Variants in PNPLA8 observed in about 807,000 individuals in gnomAD.
PNPLA8 encodes calcium-independent phospholipase A2-gamma.
In PNPLA8, 39 loss-of-function variants were observed where a neutral mutation model predicts 76.9. That is an observed-to-expected ratio of 0.51 (90% CI 0.39 to 0.66). PNPLA8 has a LOEUF of 0.66. PNPLA8 is among the 30% of genes least tolerant of loss of function. The pLI is 0.00. For missense variants in PNPLA8, 887 were observed against 918.0 expected (o/e 0.97, Z 0.44); for synonymous variants, 301 against 307.9 (o/e 0.98, Z 0.24).
chr7:108,484,004 A>G (rs1324723815), intron 9 of PNPLA8, among the ~76,000 whole-genome samples: 1 of 152,200 alleles, frequency 6.6e-6, no homozygotes, highest in Non-Finnish European at 1.5e-5. Flanking sequence ...TCAAGTAGGT[A>G]TTTTAGATGA....
At chr7:108,477,524 G>A (rs535486301) in intron 10 of PNPLA8, among the ~76,000 whole-genome samples, 10 of 152,162 alleles carry the variant, frequency 6.6e-5, no homozygotes, top group Non-Finnish European at 1.0e-4. Flanking sequence ...TTAGTAAAAC[G>A]TTTCACCCAA....
At chr7:108,514,016 C>T (rs2154516654) in intron 4 of PNPLA8, 128 bp downstream of exon 4, 2 of 651,526 alleles carry the variant, frequency 3.1e-6, no homozygotes, top group Non-Finnish European at 5.4e-6. Context: ...TTACTGAATA[C>T]ACATCACATG....
At chr7:108,512,017 G>C (rs1389010497) in intron 4 of PNPLA8, among the ~76,000 whole-genome samples, 2 of 152,110 alleles carry the variant, frequency 1.3e-5, no homozygotes. Context: ...AGAAACCCGT[G>C]GCAACTTCTG....
intron 8 of PNPLA8, among the ~76,000 whole-genome samples, chr7:108,488,885 A>T (rs936188130): frequency 1.3e-5 from 2 of 152,350 alleles, no homozygotes; most frequent in Admixed American, 6.5e-5. Flanking sequence ...GATGAGGCCA[A>T]AGTTAGTGTC....
In PNPLA8 at chr7:108,515,229, G is replaced by A. The variant is rs1863243587; in HGVS notation, c.263C>T (p.Thr88Ile). ...GLHIGILKLS[T>I]SAPKGLTKVN... Reference sequence around the variant, plus strand: ...TTTTGTAAGTCCCTTGGGAGCAGAAGTGCTAAGTTTCAAAATCCCAATATG... The same window carrying A: ...TTTTGTAAGTCCCTTGGGAGCAGAAATGCTAAGTTTCAAAATCCCAATATG... Residue 88 changes from threonine to isoleucine, a missense_variant, in exon 3 of 11, where the codon ACT (threonine) becomes ATT (isoleucine). Physicochemically the swap from Thr to Ile is moderately conservative, Grantham distance 89. Transcript: ENST00000257694. 2 of 1,602,996 alleles carry A rather than the reference G, an allele frequency of 1.2e-6. No homozygotes were observed. Among genetic ancestry groups the A allele is most frequent in the East Asian group, 2.2e-5 (1 of 44,656 alleles).
intron 4 of PNPLA8, among the ~76,000 whole-genome samples, chr7:108,505,909 G>T (rs764066172): frequency 3.3e-5 from 5 of 152,096 alleles, no homozygotes; most frequent in Non-Finnish European, 7.4e-5. Flanking sequence ...TGAAGAAAAA[G>T]TTGGTGAACC....
chr7:108,515,010 C>G lies in PNPLA8; in HGVS notation c.482G>C (p.Ser161Thr). 3 of 1,607,680 alleles carry G rather than the reference C, an allele frequency of 1.9e-6. No individual in the cohort carries two copies. Among genetic ancestry groups the G allele is most frequent in the East Asian group, 2.2e-5 (1 of 44,842 alleles). ...AGGACTCTTTTCTGCTGATTTGTCA[C>G]TATATTTTTTCAGAGATTTGATGGC... ...KQAIKSLKKY[S>T]DKSAEKSPFP... The change falls in exon 3 of 11, where the codon AGT becomes ACT. Residue 161 changes from serine (S) to threonine (T), a missense_variant. By Grantham distance (58) the Ser-to-Thr change is moderately conservative (BLOSUM62 1). Coordinates refer to ENST00000257694, the MANE Select transcript of PNPLA8 (RefSeq NM_001256007.3).
In PNPLA8 at chr7:108,515,066, A is replaced by C. The variant is rs1863227474; in HGVS notation, c.426T>G (p.Ser142Arg). The C allele has an allele frequency of 1.9e-6, 3 of 1,603,346 alleles. No homozygotes were observed. Among genetic ancestry groups the C allele is most frequent in the Non-Finnish European group, 2.5e-6 (3 of 1,178,304 alleles). Residue 142 changes from serine (S) to arginine (R), a missense_variant, in exon 3 of 11, where the codon AGT (serine) becomes AGG (arginine). Transcript: ENST00000257694. The stretch of plus-strand genomic sequence containing the variant: ...TGATGTTTTTCTGTTTTAACCAGCC[A>C]CTATCCGATACTTTTCTTAAAATTT... The part of the protein sequence containing the change: ...SSQILRKVSD[S>R]GWLKQKNIKQ...
chr7:108,471,657 A>C lies in PNPLA8; in HGVS notation c.*744T>G, dbSNP rs1859638725. The C allele has an allele frequency of 2.0e-5, 3 of 152,352 alleles. No individual in the cohort carries two copies. In the South Asian group the frequency reaches 6.2e-4, roughly 32 times the overall value. The allele number at this position is 152,352 out of a possible 1,614,324, so 9.4% of individuals were successfully genotyped here. A position where few individuals can be genotyped will look rare whatever the true frequency, so the allele number is the denominator to read the frequency against. On this transcript the variant is annotated 3_prime_UTR_variant, in exon 11 of 11. Transcript: ENST00000257694. ...TAAATAGTTTATTTTTGTTAATGAT[A>C]GGAATATCTCCTCAGTAAGTTCAAA...
chr7:108,496,487 A>T, intron 7 of PNPLA8, 97 bp downstream of exon 7: 1 of 678,928 alleles, frequency 1.5e-6, no homozygotes, highest in Non-Finnish European at 2.3e-6. Flanking sequence ...AAATTATAAT[A>T]TGCAAGAATA....
intron 2 of PNPLA8, among the ~76,000 whole-genome samples, chr7:108,519,850 A>C (rs1863613572): frequency 6.6e-6 from 1 of 152,188 alleles, no homozygotes; most frequent in Non-Finnish European, 1.5e-5. Context: ...TATTTGCTGC[A>C]GAAAAGAAGA....
intron 10 of PNPLA8, among the ~76,000 whole-genome samples, chr7:108,473,485 C>T (rs1859768075): frequency 6.6e-6 from 1 of 152,076 alleles, no homozygotes; most frequent in Admixed American, 6.6e-5. Flanking sequence ...TAAAAAAAAC[C>T]TGCCACACTG....
rs553280163 is a variant in PNPLA8 at position 108,518,514 on chromosome 7, G to A, written c.-83-2940C>T. Among the ~76,000 whole-genome samples, 17 of 152,034 alleles carry A rather than the reference G, an allele frequency of 1.1e-4. No individual in the cohort carries two copies. The South Asian group carries it at 3.1e-3, about 28-fold the overall frequency. On this transcript the variant is annotated intron_variant, in intron 2 of 10. Coordinates refer to ENST00000257694, the MANE Select transcript of PNPLA8 (RefSeq NM_001256007.3). Reference sequence around the variant, plus strand: ...GTACACTATGAACTTGGGGGACTGCGTGTGAATGCAGGCTCATCAATTATA... The same window carrying A: ...GTACACTATGAACTTGGGGGACTGCATGTGAATGCAGGCTCATCAATTATA...
At chr7:108,500,881 T>C (rs1237771042) in intron 5 of PNPLA8, among the ~76,000 whole-genome samples, 1 of 151,788 alleles carries the variant, frequency 6.6e-6, no homozygotes, top group Non-Finnish European at 1.5e-5. Flanking sequence ...GTCACTGCAC[T>C]CCAGCCCGGA....
chr7:108,494,770 A>G (rs1861438901), intron 7 of PNPLA8, among the ~76,000 whole-genome samples: 1 of 152,222 alleles, frequency 6.6e-6, no homozygotes. Flanking sequence ...TAAAAGTTAA[A>G]AATCATTAAA....
chr7:108,501,913 A>G (rs1861978368), intron 5 of PNPLA8, among the ~76,000 whole-genome samples: 1 of 152,214 alleles, frequency 6.6e-6, no homozygotes, highest in South Asian at 2.1e-4. Context: ...CTGAACTACC[A>G]AAAAGGTCTA....
chr7:108,514,367 T>C, intron 3 of PNPLA8, 69 bp downstream of exon 3: 1 of 1,537,994 alleles, frequency 6.5e-7, no homozygotes. Flanking sequence ...TTCTTAGTTC[T>C]CATTAGGAAA....
chr7:108,483,469 T>C (rs755486787), intron 9 of PNPLA8, among the ~76,000 whole-genome samples: 1 of 152,242 alleles, frequency 6.6e-6, no homozygotes, highest in African/African-American at 2.4e-5. Flanking sequence ...AAGTCACGCA[T>C]TGAACTTCGT....
intron 5 of PNPLA8, among the ~76,000 whole-genome samples, chr7:108,497,816 G>A (rs1861654229): frequency 6.6e-6 from 1 of 151,778 alleles, no homozygotes; most frequent in Non-Finnish European, 1.5e-5. Flanking sequence ...ATTTATATTA[G>A]TATCTCTCTC....
Sources: allele counts gnomAD v4.1 joint callset (sites outside exome capture counted in the v4.1 genomes callset), GRCh38; gene constraint gnomAD v4.1.1; transcripts MANE v1.5; gene names NCBI Gene and HGNC (gene_info 2026-07-23, HGNC 2026-07-21).